KLHL13: variants seen among roughly 807,000 people sequenced by gnomAD.
KLHL13 encodes the protein kelch-like protein 13.
Under a neutral mutation model 37.1 loss-of-function variants are expected in KLHL13, and 10 were observed. The ratio of observed to expected loss-of-function variants is 0.27; its 90% CI spans 0.17 to 0.46. KLHL13 has a LOEUF of 0.46. Ranked by LOEUF, KLHL13 falls within the 20% of genes least tolerant of loss-of-function variation. KLHL13 has a pLI of 1.00. For missense variants in KLHL13, 360 were observed against 509.3 expected (o/e 0.71, Z 2.82); for synonymous variants, 163 against 181.2 (o/e 0.90, Z 0.81).
chrX:117,926,935 T>G (rs1932073736), intron 2 of KLHL13, among the ~76,000 whole-genome samples: 1 of 83,161 alleles, frequency 1.2e-5, no homozygotes, highest in Non-Finnish European at 2.2e-5. Flanking sequence ...AGATGGAGTC[T>G]CGCTCTGTCG....
At chrX:118,082,804 T>C (rs1364308335) in intron 1 of KLHL13, among the ~76,000 whole-genome samples, 1 of 111,832 alleles carries the variant, frequency 8.9e-6, no homozygotes, top group Non-Finnish European at 1.9e-5. Flanking sequence ...ACTTTTCATT[T>C]TTCTGCATAT....
At chrX:118,025,099 T>C (rs756849937) in intron 1 of KLHL13, among the ~76,000 whole-genome samples, 2 of 111,984 alleles carry the variant, frequency 1.8e-5, no homozygotes, top group South Asian at 7.4e-4. Flanking sequence ...TCCCCTGATC[T>C]ACTCCTGTTT....
At chrX:118,087,585 T>A (rs2055069783) in intron 1 of KLHL13, among the ~76,000 whole-genome samples, 1 of 110,939 alleles carries the variant, frequency 9.0e-6, no homozygotes, top group South Asian at 3.8e-4. Context: ...TCTAAAAGAG[T>A]CTGGAAATAA....
chrX:117,977,024 A>C (rs964721000), upstream of KLHL13, among the ~76,000 whole-genome samples: 7 of 112,064 alleles, frequency 6.2e-5, no homozygotes, highest in African/African-American at 2.3e-4. Context: ...ACTAGAAACC[A>C]AATTTCAATC....
intron 5 of KLHL13, 89 bp downstream of exon 6, chrX:117,909,212 T>C: frequency 1.3e-6 from 1 of 781,529 alleles, no homozygotes; most frequent in South Asian, 3.1e-5. Context: ...TACATTTTTA[T>C]CTGATTTTAC....
chrX:118,042,354 G>A (rs1335594275), intron 1 of KLHL13, among the ~76,000 whole-genome samples: 2 of 111,710 alleles, frequency 1.8e-5, no homozygotes, highest in African/African-American at 6.5e-5. Flanking sequence ...TAGAACAAAT[G>A]GAACTAATAG....
At chrX:118,082,960 T>C (rs1367454626) in intron 1 of KLHL13, among the ~76,000 whole-genome samples, 1 of 111,967 alleles carries the variant, frequency 8.9e-6, no homozygotes, top group Non-Finnish European at 1.9e-5. Flanking sequence ...GGTCTATGTG[T>C]CTGTTTTTAT....
At chrX:118,100,023 T>G (rs2055270885) in intron 1 of KLHL13, among the ~76,000 whole-genome samples, 1 of 111,983 alleles carries the variant, frequency 8.9e-6, no homozygotes, top group Non-Finnish European at 1.9e-5. Flanking sequence ...ACATACTTTT[T>G]GTCTATACAA....
At chrX:117,937,732 C>T (rs918976675) in intron 2 of KLHL13, among the ~76,000 whole-genome samples, 2 of 111,556 alleles carry the variant, frequency 1.8e-5, no homozygotes, top group African/African-American at 6.5e-5. Context: ...TTTTTAATAG[C>T]TTTATTGAGA....
intron 1 of KLHL13, among the ~76,000 whole-genome samples, chrX:117,963,289 C>A (rs2053337275): frequency 9.0e-6 from 1 of 111,247 alleles, no homozygotes; most frequent in Non-Finnish European, 1.9e-5. Context: ...ATTGAAAACA[C>A]AATATAATTT....
intron 2 of KLHL13, among the ~76,000 whole-genome samples, chrX:117,935,074 CA>C (rs1413564655): frequency 8.9e-6 from 1 of 112,009 alleles, no homozygotes; most frequent in Non-Finnish European, 1.9e-5. Flanking sequence ...GGCAGTTCTT[CA>C]AAAAATTAGA....
At chrX:117,949,985 G>A (rs1933503444) in intron 1 of KLHL13, among the ~76,000 whole-genome samples, 1 of 112,199 alleles carries the variant, frequency 8.9e-6, no homozygotes, top group Admixed American at 9.4e-5. Flanking sequence ...TGTACTGTTT[G>A]TAATTTCTGA....
At chrX:117,969,131 G>A (rs1184013364) in intron 1 of KLHL13, among the ~76,000 whole-genome samples, 1 of 111,616 alleles carries the variant, frequency 9.0e-6, no homozygotes, top group East Asian at 2.8e-4. Context: ...AACATTCTAA[G>A]GAAAACAACT....
intron 1 of KLHL13, among the ~76,000 whole-genome samples, chrX:118,095,397 C>A (rs1314146753): frequency 1.8e-5 from 2 of 111,260 alleles, no homozygotes; most frequent in Non-Finnish European, 3.8e-5. Context: ...AAAGCAAGTC[C>A]TGAGTGACCT....
chrX:117,994,262 C>T (rs1022421836), intron 1 of KLHL13, among the ~76,000 whole-genome samples: 1 of 109,077 alleles, frequency 9.2e-6, no homozygotes. Context: ...TTCCTTCCTT[C>T]CCATTTTTAG....
At chrX:118,002,395 G>A (rs895547786) in intron 1 of KLHL13, among the ~76,000 whole-genome samples, 2 of 109,373 alleles carry the variant, frequency 1.8e-5, no homozygotes, top group African/African-American at 3.3e-5. Context: ...TCAGGAGTTC[G>A]AGACCAGCCT....
At chrX:118,089,658 G>T (rs2055104089) in intron 1 of KLHL13, among the ~76,000 whole-genome samples, 1 of 106,732 alleles carries the variant, frequency 9.4e-6, no homozygotes. Context: ...AAGAAAGAAA[G>T]AAAGAAAGAA....
At chrX:118,059,517 T>C (rs1261253993) in intron 1 of KLHL13, among the ~76,000 whole-genome samples, 1 of 111,909 alleles carries the variant, frequency 8.9e-6, no homozygotes, top group East Asian at 2.8e-4. Context: ...GGGGGCTTAC[T>C]AGGAAATTTC....
chrX:117,901,860 C>G, exon 6 of KLHL13: 1 of 1,179,488 alleles, frequency 8.5e-7, no homozygotes, highest in East Asian at 3.0e-5. Flanking sequence ...CCTCCATACA[C>G]AGTTCCAGCA....
Sources: allele counts gnomAD v4.1 joint callset (sites outside exome capture counted in the v4.1 genomes callset), GRCh38; gene constraint gnomAD v4.1.1; transcripts MANE v1.5; gene names NCBI Gene and HGNC (gene_info 2026-07-23, HGNC 2026-07-21).